Variants in FSCN2 observed in about 807,000 individuals in gnomAD.
FSCN2 encodes fascin-2.
Under a neutral mutation model 37.8 loss-of-function variants are expected in FSCN2, and 46 were observed. The ratio of observed to expected loss-of-function variants is 1.22; its 90% CI spans 0.96 to 1.56. The LOEUF is 1.56. Ranked by LOEUF, FSCN2 falls within the 40% of genes most tolerant of loss-of-function variation. The pLI is 0.00. For missense variants in FSCN2, 844 were observed against 730.4 expected (o/e 1.16, Z -1.79); for synonymous variants, 351 against 309.4 (o/e 1.13, Z -1.41).
upstream of FSCN2, among the ~76,000 whole-genome samples, chr17:81,523,434 A>G (rs1385388778): frequency 6.6e-6 from 1 of 152,244 alleles, no homozygotes; most frequent in African/African-American, 2.4e-5. Flanking sequence ...TAGCTCAGCC[A>G]TGAAAAAATC....
chr17:81,516,785 G>A, the FSCN2 span, among the ~76,000 whole-genome samples: 1 of 152,086 alleles, frequency 6.6e-6, no homozygotes, highest in Non-Finnish European at 1.5e-5. Flanking sequence ...CGGAGTCACT[G>A]GGCAGCTGGC....
the FSCN2 span, among the ~76,000 whole-genome samples, chr17:81,515,440 C>CT: frequency 6.6e-6 from 1 of 152,240 alleles, no homozygotes; most frequent in African/African-American, 2.4e-5. Flanking sequence ...GGAAGGGAGA[C>CT]TTGGGGCCTG....
At chr17:81,535,512 A>C in intron 2 of FSCN2, among the ~76,000 whole-genome samples, 1 of 7,544 alleles carries the variant, frequency 1.3e-4, no homozygotes, top group Non-Finnish European at 2.3e-4. Flanking sequence ...CACCATCCCC[A>C]TCTCCACCAT....
chr17:81,520,258 G>GCC, the FSCN2 span, among the ~76,000 whole-genome samples: 7 of 152,260 alleles, frequency 4.6e-5, no homozygotes, highest in Non-Finnish European at 1.0e-4. Context: ...GGGAGGGGTG[G>GCC]GGGGAGAACA....
intron 1 of FSCN2, among the ~76,000 whole-genome samples, chr17:81,534,195 T>C (rs942267328): frequency 6.6e-6 from 1 of 152,086 alleles, no homozygotes; most frequent in Admixed American, 6.5e-5. Flanking sequence ...GGTCCCAAGC[T>C]GTCTGGCATG....
intron 1 of FSCN2, among the ~76,000 whole-genome samples, chr17:81,531,333 G>GTGATGGTGA (rs2032567112): frequency 2.3e-5 from 2 of 86,398 alleles, no homozygotes; most frequent in Non-Finnish European, 4.4e-5. Context: ...GGTGGTGGTG[G>GTGATGGTGA]TGATGGTGGT....
intron 1 of FSCN2, 138 bp from the exon 2 acceptor site, chr17:81,534,914 G>A: frequency 1.7e-6 from 1 of 593,990 alleles, no homozygotes; most frequent in Non-Finnish European, 2.8e-6. Flanking sequence ...TCTGAGAGGT[G>A]CCTTCCAAAT....
At chr17:81,518,443 G>A in the FSCN2 span, among the ~76,000 whole-genome samples, 1 of 152,120 alleles carries the variant, frequency 6.6e-6, no homozygotes, top group East Asian at 1.9e-4. Context: ...CCAAGTAGGG[G>A]TGGAATAGAG....
At chr17:81,533,051 G>A (rs2032749269) in intron 1 of FSCN2, among the ~76,000 whole-genome samples, 1 of 152,118 alleles carries the variant, frequency 6.6e-6, no homozygotes, top group Non-Finnish European at 1.5e-5. Flanking sequence ...TCAGTCCTGG[G>A]GCATGGAACC....
At chr17:81,536,520 G>A (rs2032882512) in intron 3 of FSCN2, 102 bp from the exon 4 acceptor site, 2 of 1,554,478 alleles carry the variant, frequency 1.3e-6, no homozygotes, top group Admixed American at 3.8e-5. Context: ...GCAGGCCTGG[G>A]TCCCTAAGTC....
At chr17:81,519,256 C>T in the FSCN2 span, among the ~76,000 whole-genome samples, 1 of 152,174 alleles carries the variant, frequency 6.6e-6, no homozygotes, top group African/African-American at 2.4e-5. Context: ...CCCACGCAGT[C>T]GACCTCTCCT....
chr17:81,536,853 C>T, intron 4 of FSCN2, 22 bp from the exon 5 acceptor site: 1 of 1,551,576 alleles, frequency 6.4e-7, no homozygotes, highest in Non-Finnish European at 8.7e-7. Flanking sequence ...GGCACCCCCG[C>T]CGACGCCGTC....
intron 2 of FSCN2, 135 bp from the exon 3 acceptor site, chr17:81,536,011 C>G (rs553218721): frequency 1.8e-6 from 2 of 1,085,726 alleles, no homozygotes; most frequent in East Asian, 5.2e-5. Context: ...GGCAGGGTAG[C>G]GCCTGATGGT....
At chr17:81,530,266 G>A (rs575451175) in intron 1 of FSCN2, 6 of 281,258 alleles carry the variant, frequency 2.1e-5, no homozygotes, top group East Asian at 3.2e-4. Flanking sequence ...TGGAGGACAC[G>A]GTGGGCAGGC....
At chr17:81,531,534 G>GCAGTGATGGTGA (rs1568077591) in intron 1 of FSCN2, among the ~76,000 whole-genome samples, 1 of 88,756 alleles carries the variant, frequency 1.1e-5, no homozygotes. Context: ...GATGGCGATG[G>GCAGTGATGGTGA]TGGTGATGAT....
At chr17:81,520,839 C>CT in the FSCN2 span, among the ~76,000 whole-genome samples, 1 of 152,192 alleles carries the variant, frequency 6.6e-6, no homozygotes, top group African/African-American at 2.4e-5. Context: ...CCTGTTCTTG[C>CT]TAATTTGCTT....
chr17:81,536,587 G>T (rs191291916), intron 3 of FSCN2, 35 bp from the exon 4 acceptor site: 1 of 1,604,208 alleles, frequency 6.2e-7, no homozygotes, highest in Non-Finnish European at 8.5e-7. Flanking sequence ...GGAAGGTGGC[G>T]GGAGGGGCAG....
Position 81,528,567 on chromosome 17 carries a change from C to A in FSCN2, c.36C>A (p.Ile12=). The change falls in exon 1 of 5, where the codon ATC becomes ATA. Residue 12 remains isoleucine, a synonymous_variant. Coordinates refer to ENST00000417245, the MANE Select transcript of FSCN2 (RefSeq NM_012418.4). ...ACGGCCTGCACCAGGTGCTGAAGAT[C>A]CAGTTTGGCCTCGTCAACGACACTG... is the stretch of plus-strand genomic sequence containing the variant. ...PTNGLHQVLK[I]QFGLVNDTDR... 1 of 1,607,268 alleles carries A rather than the reference C, an allele frequency of 6.2e-7. No homozygotes were observed. Among genetic ancestry groups the A allele is most frequent in the Non-Finnish European group, 8.5e-7 (1 of 1,177,354 alleles).
Position 81,537,010 on chromosome 17 carries a change from G to A in FSCN2, c.1409G>A (p.Arg470His), listed in dbSNP as rs1240413598. Residue 470 changes from arginine (R) to histidine (H), a missense_variant, in exon 5 of 5, where the codon CGC becomes CAC. Transcript: ENST00000417245. ...CGCGCCCGGAGCGGCAAGTACCTGC[G>A]CGGCGGCGCCTCGGGCCTGCTGCGG... ...AIRARSGKYL[R>H]GGASGLLRAD... The A allele has an allele frequency of 5.3e-6, 8 of 1,508,124 alleles. No homozygotes were observed. In the South Asian group the frequency reaches 7.4e-5, roughly 14 times the overall value. 93.4% of individuals were successfully genotyped at this position (1,508,124 alleles called of 1,614,324 possible).
Sources: allele counts gnomAD v4.1 joint callset (sites outside exome capture counted in the v4.1 genomes callset), GRCh38; gene constraint gnomAD v4.1.1; transcripts MANE v1.5; gene names NCBI Gene and HGNC (gene_info 2026-07-23, HGNC 2026-07-21).